STXBP5L: variants seen among roughly 807,000 people sequenced by gnomAD.
STXBP5L encodes the protein syntaxin binding protein 5L, also known as syntaxin-binding protein 5-like.
In STXBP5L, 65 loss-of-function variants were observed where a neutral mutation model predicts 144.5. That is an observed-to-expected ratio of 0.45 (90% CI 0.37 to 0.55). The LOEUF (loss-of-function observed/expected upper bound fraction) is 0.55. STXBP5L is among the 20% of genes least tolerant of loss of function. The pLI, the probability that STXBP5L is intolerant of heterozygous loss-of-function variation, is 0.00. For missense variants in STXBP5L, 1,298 were observed against 1,405.5 expected (o/e 0.92, Z 1.22); for synonymous variants, 505 against 469.6 (o/e 1.08, Z -0.97).
intron 9 of STXBP5L, among the ~76,000 whole-genome samples, chr3:121,169,751 G>T (rs1460767275): frequency 6.6e-6 from 1 of 152,126 alleles, no homozygotes; most frequent in Non-Finnish European, 1.5e-5. Flanking sequence ...ATAGTGGGAG[G>T]CTTCAACACT....
intron 4 of STXBP5L, among the ~76,000 whole-genome samples, chr3:121,043,584 C>A (rs1338362135): frequency 1.3e-5 from 2 of 152,122 alleles, no homozygotes; most frequent in African/African-American, 4.8e-5. Flanking sequence ...TTGCACACAC[C>A]TGTAGTCCCA....
chr3:121,226,973 T>C (rs2049141315), intron 11 of STXBP5L, among the ~76,000 whole-genome samples: 1 of 152,208 alleles, frequency 6.6e-6, no homozygotes, highest in Non-Finnish European at 1.5e-5. Context: ...GGCACATTTT[T>C]ACATATAACA....
At chr3:121,353,991 T>G (rs1438685690) in intron 20 of STXBP5L, among the ~76,000 whole-genome samples, 3 of 152,186 alleles carry the variant, frequency 2.0e-5, no homozygotes, top group Non-Finnish European at 4.4e-5. Flanking sequence ...GTTGAGCAGT[T>G]TTGAGTGAGT....
intron 5 of STXBP5L, among the ~76,000 whole-genome samples, chr3:121,054,664 C>G (rs1393255983): frequency 2.6e-5 from 4 of 151,682 alleles, no homozygotes; most frequent in African/African-American, 9.7e-5. Flanking sequence ...GGGTGCAGCA[C>G]ACCAACATGG....
intron 5 of STXBP5L, among the ~76,000 whole-genome samples, chr3:121,054,379 G>T (rs571319801): frequency 3.3e-5 from 5 of 152,010 alleles, no homozygotes; most frequent in South Asian, 2.1e-4. Flanking sequence ...AAGAAAATGT[G>T]GCACATATAC....
chr3:121,054,505 C>T (rs1042047942), intron 5 of STXBP5L, among the ~76,000 whole-genome samples: 4 of 147,668 alleles, frequency 2.7e-5, no homozygotes, highest in African/African-American at 7.5e-5. Context: ...AAGCAAACAC[C>T]GCATGTTCTC....
chr3:121,119,719 G>T (rs529099566), intron 6 of STXBP5L, among the ~76,000 whole-genome samples: 1 of 151,082 alleles, frequency 6.6e-6, no homozygotes, highest in Non-Finnish European at 1.5e-5. Context: ...TTAATGTTAG[G>T]GAACAAGCCA....
chr3:121,280,931 C>T (rs1457505947), intron 19 of STXBP5L, among the ~76,000 whole-genome samples: 2 of 147,304 alleles, frequency 1.4e-5, no homozygotes, highest in African/African-American at 4.9e-5. Flanking sequence ...ATAATAATAA[C>T]TTTTTAAATT....
intron 22 of STXBP5L, among the ~76,000 whole-genome samples, chr3:121,397,136 G>C (rs2046750636): frequency 6.6e-6 from 1 of 152,234 alleles, no homozygotes; most frequent in Admixed American, 6.5e-5. Context: ...TACTTAGCAG[G>C]CTGCAGGTTG....
At chr3:120,972,930 G>T (rs1224071726) in intron 3 of STXBP5L, among the ~76,000 whole-genome samples, 1 of 152,012 alleles carries the variant, frequency 6.6e-6, no homozygotes, top group African/African-American at 2.4e-5. Context: ...TCACTCTATT[G>T]TGGTGTATTA....
At chr3:121,054,375 A>G (rs1203191401) in intron 5 of STXBP5L, among the ~76,000 whole-genome samples, 11 of 152,122 alleles carry the variant, frequency 7.2e-5, no homozygotes, top group Admixed American at 7.2e-4. Context: ...GATGAAGAAA[A>G]TGTGGCACAT....
At chr3:120,927,422 C>A (rs1237056660) in intron 2 of STXBP5L, among the ~76,000 whole-genome samples, 1 of 152,208 alleles carries the variant, frequency 6.6e-6, no homozygotes, top group African/African-American at 2.4e-5. Context: ...AGTCCCACCT[C>A]CCCTCTTTGT....
chr3:121,291,021 G>A (rs1356854495), intron 19 of STXBP5L, among the ~76,000 whole-genome samples: 1 of 152,096 alleles, frequency 6.6e-6, no homozygotes, highest in Non-Finnish European at 1.5e-5. Context: ...ACCACTTCTA[G>A]TCAACATAGT....
chr3:121,097,426 C>A lies in STXBP5L; in HGVS notation c.471-17499C>A, dbSNP rs548686749. Reference sequence around the variant, plus strand: ...GCCACCCAGTTTTGTGCTCGAAACCCAGGGCCCTGGTGGGGTAGGCACCAT... The same window carrying A: ...GCCACCCAGTTTTGTGCTCGAAACCAAGGGCCCTGGTGGGGTAGGCACCAT... On this transcript the variant is annotated intron_variant, in intron 5 of 26. Coordinates refer to ENST00000471454, the MANE Select transcript of STXBP5L (RefSeq NM_001308330.2). 2.0e-5 allele frequency among the ~76,000 whole-genome samples: 3 copies of A among 152,300 alleles called. No individual in the cohort carries two copies. The South Asian group carries it at 6.2e-4, about 32-fold the overall frequency.
chr3:120,974,854 G>C (rs1207518237), intron 3 of STXBP5L, among the ~76,000 whole-genome samples: 8 of 152,118 alleles, frequency 5.3e-5, no homozygotes, highest in Admixed American at 1.3e-4. Context: ...GATAGTTGTA[G>C]ATATGCGGTG....
intron 3 of STXBP5L, among the ~76,000 whole-genome samples, chr3:120,975,979 C>T (rs1940945457): frequency 6.6e-6 from 1 of 151,752 alleles, no homozygotes; most frequent in African/African-American, 2.4e-5. Context: ...CATCAATGTT[C>T]ATCAAGGATA....
chr3:121,269,677 T>C (rs755599730), intron 18 of STXBP5L, among the ~76,000 whole-genome samples: 14 of 152,196 alleles, frequency 9.2e-5, no homozygotes, highest in Non-Finnish European at 1.9e-4. Context: ...CATTTATCTT[T>C]ACTCTGGAAC....
In STXBP5L at chr3:121,313,205, C is replaced by T. The variant is rs1472165193; in HGVS notation, c.2111-5270C>T. On this transcript the variant is annotated intron_variant, in intron 19 of 26. Transcript: ENST00000471454. ...TCACCTCCCGGACGGGGCGGCCGGC[C>T]GGAAGGGGGGCTGACCCCCCCCACC... is the stretch of plus-strand genomic sequence containing the variant. Among the ~76,000 whole-genome samples, 18 of 134,794 alleles carry T rather than the reference C, an allele frequency of 1.3e-4. 1 individual carries two copies. Among genetic ancestry groups the T allele is most frequent in the East Asian group, 4.7e-4 (2 of 4,242 alleles). The allele number at this position is 134,794 out of a possible 152,430, so 88.4% of individuals were successfully genotyped here.
intron 14 of STXBP5L, among the ~76,000 whole-genome samples, chr3:121,244,370 A>G (rs2049771075): frequency 6.6e-6 from 1 of 151,982 alleles, no homozygotes; most frequent in South Asian, 2.1e-4. Flanking sequence ...TCAGAGGAAC[A>G]AAAAGAAGAG....
Sources: allele counts gnomAD v4.1 joint callset (sites outside exome capture counted in the v4.1 genomes callset), GRCh38; gene constraint gnomAD v4.1.1; transcripts MANE v1.5; gene names NCBI Gene and HGNC (gene_info 2026-07-23, HGNC 2026-07-21).